PEAR1: variants seen among roughly 807,000 people sequenced by gnomAD.
The protein encoded by PEAR1 is multiple EGF-like domains protein 12.
PEAR1 carries 113 observed loss-of-function variants against 131.2 expected under a neutral mutation model. That is an observed-to-expected ratio of 0.86 (90% CI 0.74 to 1.01). The LOEUF (loss-of-function observed/expected upper bound fraction) is 1.01, where lower values mean the gene tolerates loss of function less well. PEAR1 is among the 50% of genes least tolerant of loss of function. The pLI is 0.00. For synonymous variants in PEAR1, 565 were observed against 523.3 expected, an observed-to-expected ratio of 1.08 and a Z score of -1.09; for missense variants, 1,408 against 1,391.1, an observed-to-expected ratio of 1.01 and a Z score of -0.19.
At position 156,908,292 on chromosome 1, in the gene PEAR1, G is replaced by A. The variant is rs1313906445; in HGVS notation, c.1067G>A (p.Gly356Asp). ...TDRLCPDGFY[G>D]LSCQAPCTCD... ...CGCCTCTGCCCCGACGGCTTCTACG[G>A]TCTCAGCTGCCAGGCCCCCTGCACC... Residue 356 changes from glycine (G) to aspartate (D), a missense_variant, in exon 9 of 23, where the codon GGT becomes GAT. Transcript: ENST00000292357. The surrounding 1 kb of genome is among the most constrained non-coding windows in gnomAD (Gnocchi z 4.2). The A allele has an allele frequency of 6.3e-7, 1 of 1,575,838 alleles. No homozygotes were observed. The highest frequency in any genetic ancestry group is 1.2e-5 in the South Asian group (1 of 86,912).
rs751037668 is a variant in PEAR1 at position 156,912,540 on chromosome 1, G to A, written c.2127G>A (p.Gln709=). 1.9e-6 allele frequency: 3 copies of A among 1,614,090 alleles called. No homozygotes were observed. Among genetic ancestry groups the A allele is most frequent in the Middle Eastern group, 1.6e-4 (1 of 6,062 alleles). Residue 709 remains glutamine (Q), a synonymous_variant, in exon 17 of 23, where the codon CAG becomes CAA. Coordinates refer to ENST00000292357, the MANE Select transcript of PEAR1 (RefSeq NM_001080471.3). ...GTGCTAACTGCTCCCAGCCATGCCA[G>A]TGTGGTCCTGGAGAAAAGTGCCACC... The part of the protein sequence containing the change: ...TFGANCSQPC[Q]CGPGEKCHPE...
chr1:156,908,487 T>TG lies in PEAR1; in HGVS notation c.1115+151dup. ...GGGACCTCAGGGGCCGGGAGGGGCC[T>TG]GGGGTACCGCTACTTGCCCCAACCC... On this transcript the variant is annotated intron_variant, in intron 9 of 22. Transcript: ENST00000292357. This position sits in a 1 kb window ranked among gnomAD's most constrained non-coding sequence, Gnocchi z 4.2. The TG allele has an allele frequency of 8.1e-7, 1 of 1,232,568 alleles. No individual in the cohort carries two copies. Among genetic ancestry groups the TG allele is most frequent in the Non-Finnish European group, 1.1e-6 (1 of 914,460 alleles). The allele number at this position is 1,232,568 out of a possible 1,614,324, so 76.4% of individuals were successfully genotyped here. A position where few individuals can be genotyped will look rare whatever the true frequency, so the allele number is the denominator to read the frequency against.
chr1:156,911,041 C>CTTTCTTTCTTTCTTTT (rs1651020619), intron 15 of PEAR1, among the ~76,000 whole-genome samples: 73 of 68,860 alleles, frequency 1.1e-3, no homozygotes, highest in African/African-American at 4.4e-3. Context: ...ATTTCTTTTT[C>CTTTCTTTCTTTCTTTT]TTTCTTTCTT....
rs199892161 is a variant in PEAR1, at chr1:156,913,177, T to C, written c.2423-17T>C. On this transcript the variant is annotated splice_polypyrimidine_tract_variant and intron_variant, in intron 18 of 22. Transcript: ENST00000292357. ...GCCCATCGCTGAGCTCACCCTGTGCTTGTGTCTGTCATGCAGATGTCCCTC... is the reference window on the plus strand; with the variant it reads ...GCCCATCGCTGAGCTCACCCTGTGCCTGTGTCTGTCATGCAGATGTCCCTC... The C allele has an allele frequency of 3.2e-5, 51 of 1,611,174 alleles. No homozygotes were observed. The East Asian group carries it at 1.1e-3, about 35-fold the overall frequency.
Position 156,913,503 on chromosome 1 carries a change from C to G in PEAR1, c.2624C>G (p.Pro875Arg), listed in dbSNP as rs1195932945. 6 of 1,612,850 alleles carry G rather than the reference C, an allele frequency of 3.7e-6. No homozygotes were observed. In the East Asian group the frequency reaches 1.3e-4, roughly 36 times the overall value. Residue 875 changes from proline to arginine, a missense_variant, in exon 20 of 23, where the codon CCT becomes CGT. Pro to Arg is a moderately radical substitution (Grantham distance 103, BLOSUM62 -2). Coordinates refer to ENST00000292357, the MANE Select transcript of PEAR1 (RefSeq NM_001080471.3). ...PADWKHRREP[P>R]PGPLDRGSSR... Reference sequence around the variant, plus strand: ...GACTGGAAGCACCGCCGGGAGCCCCCTCCAGGGCCTCTGGACAGGGGTAGG... The same window carrying G: ...GACTGGAAGCACCGCCGGGAGCCCCGTCCAGGGCCTCTGGACAGGGGTAGG...
In PEAR1 at chr1:156,910,728, C is replaced by G. The variant is rs1282516226; in HGVS notation, c.1936C>G (p.Pro646Ala). The G allele has an allele frequency of 6.2e-7, 1 of 1,614,112 alleles. No individual in the cohort carries two copies. Among genetic ancestry groups the G allele is most frequent in the Admixed American group, 1.7e-5 (1 of 60,024 alleles). The change falls in exon 15 of 23, where the codon CCC (proline) becomes GCC (alanine). Residue 646 changes from proline to alanine, a missense_variant. Coordinates refer to ENST00000292357, the MANE Select transcript of PEAR1 (RefSeq NM_001080471.3). ...CTACTGCCTGGCTGGCTGGACAGGC[C>G]CCGACTGCTCCCAGCGTATGTGGTA... ...TCYCLAGWTG[P>A]DCSQPCPPGH...
intron 1 of PEAR1, among the ~76,000 whole-genome samples, chr1:156,900,707 C>T (rs1296393973): frequency 6.6e-6 from 1 of 152,066 alleles, no homozygotes; most frequent in African/African-American, 2.4e-5. Context: ...AAACCAGAGG[C>T]TTGGAGGGTG....
At position 156,913,291 on chromosome 1, in the gene PEAR1, C is replaced by T. The variant is rs1248405295; in HGVS notation, c.2511+9C>T. 6.2e-6 allele frequency: 10 copies of T among 1,601,818 alleles called. No individual in the cohort carries two copies. Among genetic ancestry groups the T allele is most frequent in the South Asian group, 1.1e-5 (1 of 88,758 alleles). ...CCCCACCCCCTAACAAGGTCAGTGC[C>T]GGGGGAGGGGGTGCACTGTGGAGGG... On this transcript the variant is annotated intron_variant, in intron 19 of 22. Coordinates refer to ENST00000292357, the MANE Select transcript of PEAR1 (RefSeq NM_001080471.3).
Position 156,906,741 on chromosome 1 carries a change from C to G in PEAR1, c.505C>G (p.Leu169Val), listed in dbSNP as rs1478414391. 1 of 1,614,228 alleles carries G rather than the reference C, an allele frequency of 6.2e-7. No homozygotes were observed. Among genetic ancestry groups the G allele is most frequent in the Non-Finnish European group, 8.5e-7 (1 of 1,180,040 alleles). The change falls in exon 6 of 23, where the codon CTG (leucine) becomes GTG (valine). Residue 169 changes from leucine to valine, a missense_variant. Leu to Val is a conservative substitution (Grantham distance 32). Transcript: ENST00000292357. The stretch of plus-strand genomic sequence containing the variant: ...TGGGGTATGTTCTTGCCCTTCTGGT[C>G]TGCAGCCCCCGAACTGCCTTCAGCC... ...KSGVCSCPSG[L>V]QPPNCLQPCT...
chr1:156,895,512 G>C (rs1022109889), intron 1 of PEAR1, among the ~76,000 whole-genome samples: 2 of 152,224 alleles, frequency 1.3e-5, no homozygotes, highest in African/African-American at 4.8e-5. Flanking sequence ...CTAACCTACA[G>C]GGGAGAAGCC....
intron 15 of PEAR1, among the ~76,000 whole-genome samples, chr1:156,911,632 T>C (rs1426163162): frequency 6.6e-6 from 1 of 151,982 alleles, no homozygotes; most frequent in African/African-American, 2.4e-5. Context: ...TTTTTATTTA[T>C]ATATTAATAA....
At chr1:156,911,041 C>CTT (rs1332639486) in intron 15 of PEAR1, among the ~76,000 whole-genome samples, 1 of 68,816 alleles carries the variant, frequency 1.5e-5, no homozygotes. Flanking sequence ...ATTTCTTTTT[C>CTT]TTTCTTTCTT....
In PEAR1 at chr1:156,904,779, C is replaced by T. The variant is rs377176025; in HGVS notation, c.133C>T (p.Arg45Cys). The T allele has an allele frequency of 1.4e-5, 22 of 1,613,288 alleles. No individual in the cohort carries two copies. The African/African-American group carries it at 1.6e-4, about 12-fold the overall frequency. ...TACCACCACCAAGGAGTCCCACTCC[C>T]GCCCCTTCAGCCTGCTCCCCTCAGA... ...FTTTTKESHS[R>C]PFSLLPSEPC... Residue 45 changes from arginine (R) to cysteine (C), a missense_variant, in exon 3 of 23, where the codon CGC (arginine) becomes TGC (cysteine). Coordinates refer to ENST00000292357, the MANE Select transcript of PEAR1 (RefSeq NM_001080471.3).
chr1:156,908,784 CT>C lies in PEAR1; in HGVS notation c.1246del (p.Cys416AlafsTer269), dbSNP rs1650683319. The C allele has an allele frequency of 6.2e-7, 1 of 1,604,876 alleles. No individual in the cohort carries two copies. The highest frequency in any genetic ancestry group is 8.5e-7 in the Non-Finnish European group (1 of 1,178,270). On this transcript the variant is annotated frameshift_variant, in exon 10 of 23. Transcript: ENST00000292357. LOFTEE classifies it high-confidence loss of function. This position sits in a 1 kb window ranked among gnomAD's most constrained non-coding sequence, Gnocchi z 4.2. ...EHCLCLHGGVCQATSGLCQCA... is the reference protein window; with the variant it reads ...EHCLCLHGGVXQATSGLCQCA... ...ACTGTCTCTGCCTGCACGGTGGCGT[CT>C]GCCAGGCTACCAGCGGCCTCTGTCA...
chr1:156,905,543 G>C (rs1316219023), intron 4 of PEAR1, 119 bp downstream of exon 4: 3 of 879,682 alleles, frequency 3.4e-6, no homozygotes, highest in Non-Finnish European at 5.0e-6. Context: ...GCCCTTTTGG[G>C]TTCCCCCCTC....
intron 1 of PEAR1, among the ~76,000 whole-genome samples, chr1:156,898,127 C>G (rs896936345): frequency 7.2e-5 from 11 of 152,150 alleles, no homozygotes; most frequent in African/African-American, 2.7e-4. Context: ...AGGCATTTTA[C>G]CTGAGACCCT....
In PEAR1 at chr1:156,910,748, G is replaced by A; in HGVS notation, c.1951+5G>A. ...CAGGCCCCGACTGCTCCCAGCGTAT[G>A]TGGTAGCTTGTGTGTCTGAGCATAC... On this transcript the variant is annotated splice_donor_5th_base_variant and intron_variant, in intron 15 of 22. Transcript: ENST00000292357. 6.2e-7 allele frequency: 1 copy of A among 1,613,982 alleles called. No homozygotes were observed. Among genetic ancestry groups the A allele is most frequent in the Non-Finnish European group, 8.5e-7 (1 of 1,179,984 alleles).
In PEAR1 at chr1:156,906,318, C is replaced by T. The variant is rs1558131974; in HGVS notation, c.350C>T (p.Pro117Leu). 2 of 1,614,162 alleles carry T rather than the reference C, an allele frequency of 1.2e-6. No individual in the cohort carries two copies. Among genetic ancestry groups the T allele is most frequent in the Admixed American group, 1.7e-5 (1 of 60,016 alleles). Residue 117 changes from proline (P) to leucine (L), a missense_variant, in exon 5 of 23, where the codon CCC becomes CTC. Pro to Leu is a moderately conservative substitution (Grantham distance 98, BLOSUM62 -3). Coordinates refer to ENST00000292357, the MANE Select transcript of PEAR1 (RefSeq NM_001080471.3). ...QECVHGRCVA[P>L]NQCQCVPGWR... The stretch of plus-strand genomic sequence containing the variant: ...TGTGTCCATGGCCGTTGTGTGGCAC[C>T]CAATCAGTGCCAATGTGTGCCAGGC...
intron 21 of PEAR1, 32 bp from the exon 22 acceptor site, chr1:156,913,820 C>CA (rs1238354126): frequency 6.2e-7 from 1 of 1,610,704 alleles, no homozygotes; most frequent in Non-Finnish European, 8.5e-7. Context: ...CCAGTGCCTC[C>CA]ATGCGGCCTG....
Sources: allele counts gnomAD v4.1 joint callset (sites outside exome capture counted in the v4.1 genomes callset), GRCh38; gene constraint gnomAD v4.1.1; non-coding constraint Gnocchi (gnomAD v3.1); transcripts MANE v1.5; gene names NCBI Gene and HGNC (gene_info 2026-07-23, HGNC 2026-07-21).